The following GLCCI1 variants were observed in gnomAD, a reference collection of about 807,000 sequenced individuals.
The protein encoded by GLCCI1 is glucocorticoid-induced transcript 1 protein.
Under a neutral mutation model 52.2 loss-of-function variants are expected in GLCCI1, and 24 were observed. The observed-to-expected ratio is 0.46, with a 90% CI of 0.33 to 0.65. GLCCI1 has a LOEUF of 0.65. GLCCI1 is among the 30% of genes least tolerant of loss of function. The pLI is 0.02. For missense variants in GLCCI1, 704 were observed against 701.5 expected, an observed-to-expected ratio of 1.00 and a Z score of -0.04; for synonymous variants, 310 against 276.5, an observed-to-expected ratio of 1.12 and a Z score of -1.20.
intron 3 of GLCCI1, among the ~76,000 whole-genome samples, chr7:8,027,274 G>A (rs1005075171): frequency 6.6e-6 from 1 of 152,230 alleles, no homozygotes; most frequent in Non-Finnish European, 1.5e-5. Context: ...GATCCCTTGA[G>A]GTCAGGAGTT....
At chr7:8,001,077 CATT>C (rs533743851) in intron 1 of GLCCI1, among the ~76,000 whole-genome samples, 137 of 152,326 alleles carry the variant, frequency 9.0e-4, no homozygotes, top group South Asian at 4.8e-3. Context: ...TTGATCCTGA[CATT>C]ATGATGATAG....
intron 7 of GLCCI1, 124 bp downstream of exon 7, chr7:8,085,141 G>T: frequency 9.3e-7 from 1 of 1,076,880 alleles, no homozygotes; most frequent in Non-Finnish European, 1.3e-6. Context: ...AGCAAATTAT[G>T]TAAAGAGAAT....
At chr7:8,044,963 A>G (rs1023523309) in intron 3 of GLCCI1, among the ~76,000 whole-genome samples, 18 of 152,306 alleles carry the variant, frequency 1.2e-4, no homozygotes, top group African/African-American at 4.3e-4. Context: ...CTTGGAAACT[A>G]TGACTTTAAA....
chr7:8,084,691 C>T (rs773557984), intron 6 of GLCCI1: 31 of 484,058 alleles, frequency 6.4e-5, no homozygotes, highest in Non-Finnish European at 1.1e-4. Flanking sequence ...TTTTTATGTT[C>T]TATGGTGTGG....
At chr7:8,001,584 C>T (rs1781049676) in intron 1 of GLCCI1, among the ~76,000 whole-genome samples, 1 of 152,098 alleles carries the variant, frequency 6.6e-6, no homozygotes, top group African/African-American at 2.4e-5. Context: ...ACCATTTGAC[C>T]CAGCGATCCC....
At chr7:8,041,745 C>T (rs964627575) in intron 3 of GLCCI1, among the ~76,000 whole-genome samples, 12 of 152,118 alleles carry the variant, frequency 7.9e-5, no homozygotes, top group African/African-American at 2.4e-4. Context: ...CATACACCAC[C>T]ACACCCAGCT....
At chr7:7,991,811 G>T (rs970126258) in intron 1 of GLCCI1, among the ~76,000 whole-genome samples, 5 of 152,012 alleles carry the variant, frequency 3.3e-5, no homozygotes. Flanking sequence ...ATGCTTTCCT[G>T]GTTCTTGCTA....
chr7:8,037,442 C>G (rs1297862198), intron 3 of GLCCI1, among the ~76,000 whole-genome samples: 1 of 152,144 alleles, frequency 6.6e-6, no homozygotes, highest in African/African-American at 2.4e-5. Flanking sequence ...CATAAAAACA[C>G]ATGAAAGGAT....
intron 4 of GLCCI1, among the ~76,000 whole-genome samples, chr7:8,058,526 T>TTA (rs1405469074): frequency 6.6e-6 from 1 of 152,154 alleles, no homozygotes; most frequent in East Asian, 1.9e-4. Context: ...TGCCTAGGGA[T>TTA]TATCAGATAG....
chr7:8,063,019 C>T (rs1157881876), intron 5 of GLCCI1, among the ~76,000 whole-genome samples: 1 of 152,136 alleles, frequency 6.6e-6, no homozygotes, highest in Non-Finnish European at 1.5e-5. Flanking sequence ...GGTAATTCTG[C>T]TTTGAGTTGA....
intron 6 of GLCCI1, among the ~76,000 whole-genome samples, chr7:8,073,740 T>G (rs1460634146): frequency 6.6e-6 from 1 of 152,182 alleles, no homozygotes; most frequent in African/African-American, 2.4e-5. Flanking sequence ...TCTTTAGAAG[T>G]TATATAGAAT....
intron 3 of GLCCI1, among the ~76,000 whole-genome samples, chr7:8,052,973 C>T (rs914681453): frequency 6.6e-6 from 1 of 151,808 alleles, no homozygotes; most frequent in African/African-American, 2.4e-5. Context: ...AGTGCACAAC[C>T]AGTCTTTTGA....
At chr7:8,035,478 A>G (rs1215041916) in intron 3 of GLCCI1, among the ~76,000 whole-genome samples, 1 of 152,206 alleles carries the variant, frequency 6.6e-6, no homozygotes, top group Non-Finnish European at 1.5e-5. Context: ...GCAATTAGGT[A>G]TGGCTGTGTC....
At position 7,969,643 on chromosome 7, in the gene GLCCI1, C is replaced by A; in HGVS notation, c.293C>A (p.Pro98His). The A allele has an allele frequency of 9.9e-7, 1 of 1,012,824 alleles. No individual in the cohort carries two copies. The highest frequency in any genetic ancestry group is 1.2e-6 in the Non-Finnish European group (1 of 853,628). The allele number at this position is 1,012,824 out of a possible 1,614,324, so 62.7% of individuals were successfully genotyped here. A position where few individuals can be genotyped will look rare whatever the true frequency, so the allele number is the denominator to read the frequency against. The part of the protein sequence containing the change: ...AAASLGSLPG[P>H]GAARGPSPSS... Reference sequence around the variant, plus strand: ...GCCTCGCTGGGCAGCCTCCCGGGGCCCGGCGCGGCCCGCGGCCCCAGCCCG... The same window carrying A: ...GCCTCGCTGGGCAGCCTCCCGGGGCACGGCGCGGCCCGCGGCCCCAGCCCG... The change falls in exon 1 of 8, where the codon CCC becomes CAC. Residue 98 changes from proline (P) to histidine (H), a missense_variant. This residue lies in a region of GLCCI1 where 547 missense variants were observed against 524.8 expected (regional missense o/e 1.04). Transcript: ENST00000223145. This position sits in a 1 kb window ranked among gnomAD's most constrained non-coding sequence, Gnocchi z 4.9.
intron 6 of GLCCI1, among the ~76,000 whole-genome samples, chr7:8,072,694 C>T (rs150683764): frequency 6.6e-6 from 1 of 152,056 alleles, no homozygotes; most frequent in East Asian, 1.9e-4. Flanking sequence ...GTCTTCATTC[C>T]AAACTCATAT....
intron 1 of GLCCI1, among the ~76,000 whole-genome samples, chr7:7,977,908 T>C (rs949566720): frequency 6.6e-6 from 1 of 152,186 alleles, no homozygotes; most frequent in Admixed American, 6.5e-5. Flanking sequence ...GACTTCAAGA[T>C]AGCTGAAAGT....
intron 2 of GLCCI1, among the ~76,000 whole-genome samples, chr7:8,007,336 T>A (rs1781173186): frequency 6.6e-6 from 1 of 152,224 alleles, no homozygotes; most frequent in South Asian, 2.1e-4. Context: ...TAATATGTAC[T>A]ACGTACGTAG....
intron 1 of GLCCI1, among the ~76,000 whole-genome samples, chr7:7,973,406 T>TTG (rs1190596785): frequency 0.021 from 1,756 of 83,976 alleles, 34 homozygotes; most frequent in African/African-American, 0.073. Flanking sequence ...ATGCAAATCT[T>TTG]TGTGTGCGTG....
chr7:8,025,850 T>C (rs1470377350), intron 3 of GLCCI1, among the ~76,000 whole-genome samples: 2 of 152,220 alleles, frequency 1.3e-5, no homozygotes, highest in Non-Finnish European at 2.9e-5. Context: ...AACCAGGTAT[T>C]CTATATCCAG....
Sources: allele counts gnomAD v4.1 joint callset (sites outside exome capture counted in the v4.1 genomes callset), GRCh38; gene constraint gnomAD v4.1.1; regional missense constraint gnomAD v4.1.1; non-coding constraint Gnocchi (gnomAD v3.1); transcripts MANE v1.5; gene names NCBI Gene and HGNC (gene_info 2026-07-23, HGNC 2026-07-21).